The following ZZEF1 variants were observed in gnomAD, a reference collection of about 807,000 sequenced individuals.
ZZEF1 encodes zinc finger ZZ-type and EF-hand domain-containing protein 1.
A neutral mutation model predicts 342.8 loss-of-function variants in ZZEF1; 157 were observed. The ratio of observed to expected loss-of-function variants is 0.46; its 90% CI spans 0.40 to 0.52. The LOEUF (loss-of-function observed/expected upper bound fraction) is 0.52, where lower values mean the gene tolerates loss of function less well. ZZEF1 is among the 20% of genes least tolerant of loss of function. The pLI is 0.00. For synonymous variants in ZZEF1, 1,505 were observed against 1,429.1 expected, an observed-to-expected ratio of 1.05 and a Z score of -1.20; for missense variants, 3,480 against 3,725.6, an observed-to-expected ratio of 0.93 and a Z score of 1.72.
intron 45 of ZZEF1, among the ~76,000 whole-genome samples, chr17:4,020,732 T>C (rs1393314906): frequency 2.0e-5 from 3 of 152,238 alleles, no homozygotes; most frequent in African/African-American, 7.2e-5. Flanking sequence ...TTCATATTGT[T>C]CTGAGGAAGA....
chr17:4,033,157 A>C (rs2145057977), intron 40 of ZZEF1, 155 bp from the exon 41 acceptor site: 3 of 687,150 alleles, frequency 4.4e-6, no homozygotes, highest in Non-Finnish European at 6.9e-6. Flanking sequence ...TATAATGGTG[A>C]GTAAAAGAGC....
At chr17:4,012,641 C>G (rs2055993294) in intron 52 of ZZEF1, among the ~76,000 whole-genome samples, 1 of 152,196 alleles carries the variant, frequency 6.6e-6, no homozygotes, top group Admixed American at 6.5e-5. Context: ...CCCAATTCAA[C>G]ACTATATGTC....
chr17:4,109,163 C>T (rs933733769), intron 6 of ZZEF1, among the ~76,000 whole-genome samples: 3 of 152,176 alleles, frequency 2.0e-5, no homozygotes, highest in African/African-American at 4.8e-5. Flanking sequence ...TGATCCATTA[C>T]TGCAGCCTGG....
At position 4,058,012 on chromosome 17, in the gene ZZEF1, A is replaced by G. The variant is rs933964196; in HGVS notation, c.5147T>C (p.Val1716Ala). 41 of 1,614,190 alleles carry G rather than the reference A, an allele frequency of 2.5e-5. No homozygotes were observed. Among genetic ancestry groups the G allele is most frequent in the Non-Finnish European group, 3.1e-5 (37 of 1,180,016 alleles). ...LMKMSQENIS[V>A]HDSVISQWSE... The stretch of plus-strand genomic sequence containing the variant: ...CTCTTACCTGATCACACTGTCATGG[A>G]CACTTATATTCTCCTGTGACATTTT... The change falls in exon 32 of 55, where the codon GTC (valine) becomes GCC (alanine). Residue 1716 changes from valine to alanine, a missense_variant. Coordinates refer to ENST00000381638, the MANE Select transcript of ZZEF1 (RefSeq NM_015113.4).
intron 42 of ZZEF1, among the ~76,000 whole-genome samples, chr17:4,028,523 T>C (rs2056467311): frequency 6.9e-6 from 1 of 145,166 alleles, no homozygotes; most frequent in Non-Finnish European, 1.5e-5. Flanking sequence ...CACTCCAGCC[T>C]GGGTGATGGA....
chr17:4,092,208 A>G (rs1266254069), intron 11 of ZZEF1, among the ~76,000 whole-genome samples: 2 of 151,854 alleles, frequency 1.3e-5, no homozygotes, highest in Non-Finnish European at 2.9e-5. Context: ...GCGACACATT[A>G]GTATTTTATA....
In ZZEF1 at chr17:4,142,845, AC is replaced by A; in HGVS notation, c.50del (p.Gly17ValfsTer136). The A allele has an allele frequency of 7.2e-7, 1 of 1,395,586 alleles. No homozygotes were observed. Among genetic ancestry groups the A allele is most frequent in the Non-Finnish European group, 9.2e-7 (1 of 1,083,924 alleles). 86.5% of individuals were successfully genotyped at this position (1,395,586 alleles called of 1,614,324 possible). On this transcript the variant is annotated frameshift_variant, in exon 1 of 55. Transcript: ENST00000381638. LOFTEE classifies it high-confidence loss of function. Reference protein sequence around the residue: ...HSSEDEAAAAGGEGWGPHQDW... With the variant: ...HSSEDEAAAAXGEGWGPHQDW... ...CCTGGTGTGGGCCCCAGCCCTCGCC[AC>A]CGGCAGCTGCCGCTTCGTCTTCACT...
rs1398191094 is a variant in ZZEF1, at chr17:4,123,284, TATATA to T, written c.499+618_499+622del. Among the ~76,000 whole-genome samples the T allele has an allele frequency of 3.1e-3, 297 of 95,008 alleles. 4 individuals carry two copies. The highest frequency in any genetic ancestry group is 0.011 in the African/African-American group (282 of 25,354). 62.3% of individuals were successfully genotyped at this position (95,008 alleles called of 152,430 possible). A position where few individuals can be genotyped will look rare whatever the true frequency, so the allele number is the denominator to read the frequency against. On this transcript the variant is annotated intron_variant, in intron 2 of 54. Coordinates refer to ENST00000381638, the MANE Select transcript of ZZEF1 (RefSeq NM_015113.4). ...TATCATAACCATATATATATATATA[TATATA>T]TATATATATATATATATATATCAGA...
chr17:4,007,205 G>A (rs1312900489), intron 54 of ZZEF1, among the ~76,000 whole-genome samples: 4 of 152,244 alleles, frequency 2.6e-5, no homozygotes, highest in Non-Finnish European at 4.4e-5. Flanking sequence ...GTCCCAGGGC[G>A]GAGGCTCAGA....
intron 29 of ZZEF1, 49 bp from the exon 30 acceptor site, chr17:4,062,966 G>A (rs1247605961): frequency 3.2e-6 from 5 of 1,557,428 alleles, no homozygotes; most frequent in Admixed American, 1.9e-5. Flanking sequence ...CTTGAGCTGG[G>A]GCAGACGGAA....
intron 52 of ZZEF1, among the ~76,000 whole-genome samples, chr17:4,012,089 T>G (rs1369269668): frequency 6.6e-6 from 1 of 152,250 alleles, no homozygotes; most frequent in African/African-American, 2.4e-5. Flanking sequence ...CAGCAGACTG[T>G]GCAGGCTGCG....
rs758461828 is a variant in ZZEF1, at chr17:4,014,332, T to C, written c.8314+15A>G. 6.2e-7 allele frequency: 1 copy of C among 1,614,006 alleles called. No individual in the cohort carries two copies. The highest frequency in any genetic ancestry group is 8.5e-7 in the Non-Finnish European group (1 of 1,179,952). ...CCTGTGAAGAACCTATCTAATCGAG[T>C]ATTTGTTTCACTACCTGGAAGTTCA... On this transcript the variant is annotated intron_variant, in intron 50 of 54. Transcript: ENST00000381638. This position sits in a 1 kb window ranked among gnomAD's most constrained non-coding sequence, Gnocchi z 4.4.
At chr17:4,113,363 C>CA (rs1207819507) in intron 4 of ZZEF1, among the ~76,000 whole-genome samples, 3 of 152,092 alleles carry the variant, frequency 2.0e-5, no homozygotes, top group African/African-American at 7.2e-5. Flanking sequence ...CTAAAGTGAC[C>CA]AACTCAGTTA....
rs1431927288 is a variant in ZZEF1, at chr17:4,062,766, T to C, written c.4870A>G (p.Lys1624Glu). Residue 1624 changes from lysine (K) to glutamate (E), a missense_variant, in exon 30 of 55, where the codon AAA (lysine) becomes GAA (glutamate). By Grantham distance (56) the Lys-to-Glu change is moderately conservative. Coordinates refer to ENST00000381638, the MANE Select transcript of ZZEF1 (RefSeq NM_015113.4). ...CTTTGTACTTACTTGGTAAAATCTT[T>C]CTGACAGGTCAGAAGTTCCAACAGG... ...LFLLELLTCQKDFTNYFGHLE... is the reference protein window; with the variant it reads ...LFLLELLTCQEDFTNYFGHLE... The C allele has an allele frequency of 1.0e-5, 16 of 1,606,472 alleles. No homozygotes were observed. Among genetic ancestry groups the C allele is most frequent in the Non-Finnish European group, 1.4e-5 (16 of 1,176,048 alleles).
chr17:4,092,589 G>A (rs922996740), intron 11 of ZZEF1, among the ~76,000 whole-genome samples: 4 of 152,172 alleles, frequency 2.6e-5, no homozygotes, highest in African/African-American at 9.7e-5. Context: ...GATTACAGGT[G>A]TGAGCCACTG....
Position 4,099,571 on chromosome 17 carries a change from G to T in ZZEF1, c.1672+2746C>A, listed in dbSNP as rs190744182. ...TTTTTTTTTTTTTTTTTGAGACAGA[G>T]TTTTGCTCTTGTCACCCAGGTGGGA... On this transcript the variant is annotated intron_variant, in intron 9 of 54. Coordinates refer to ENST00000381638, the MANE Select transcript of ZZEF1 (RefSeq NM_015113.4). Among the ~76,000 whole-genome samples, 748 of 146,050 alleles carry T rather than the reference G, an allele frequency of 5.1e-3. 8 individuals are homozygous for T. The highest frequency in any genetic ancestry group is 0.018 in the African/African-American group (716 of 39,260).
Position 4,142,841 on chromosome 17 carries a change from CG to C in ZZEF1, c.54del (p.Glu19ArgfsTer134). On this transcript the variant is annotated frameshift_variant, in exon 1 of 55. Coordinates refer to ENST00000381638, the MANE Select transcript of ZZEF1 (RefSeq NM_015113.4). LOFTEE classifies it high-confidence loss of function. ...CAGTCCTGGTGTGGGCCCCAGCCCTCGCCACCGGCAGCTGCCGCTTCGTCTT... is the reference window on the plus strand; with the variant it reads ...CAGTCCTGGTGTGGGCCCCAGCCCTCCCACCGGCAGCTGCCGCTTCGTCTT... ...SSEDEAAAAG[G>X]EGWGPHQDWA... is the part of the protein sequence containing the mutation. The C allele has an allele frequency of 7.2e-7, 1 of 1,396,602 alleles. No individual in the cohort carries two copies. 86.5% of individuals were successfully genotyped at this position (1,396,602 alleles called of 1,614,324 possible).
rs1345857310 is a variant in ZZEF1 at position 4,087,440 on chromosome 17, T to C, written c.2336A>G (p.Lys779Arg). Residue 779 changes from lysine (K) to arginine (R), a missense_variant, in exon 14 of 55, where the codon AAG becomes AGG. Lys to Arg is a conservative substitution (Grantham distance 26, BLOSUM62 2). Transcript: ENST00000381638. ...QIFWNFYSKL[K>R]QNPREECVSA... ...ATAACAAATTCTGACCTACTTTTGC[T>C]TTAATTTACTGTAAAAATTCCAGAA... The C allele has an allele frequency of 6.2e-7, 1 of 1,609,404 alleles. No individual in the cohort carries two copies.
rs201637860 is a variant in ZZEF1 at position 4,087,495 on chromosome 17, G to C, written c.2281C>G (p.Leu761Val). ...KESGLKYKSF[L>V]DFAGLDLQIF... ...TGCAAATCAAGACCCGCGAAGTCCA[G>C]AAAAGATTTATATTTTAAGCCACTT... Residue 761 changes from leucine to valine, a missense_variant, in exon 14 of 55, where the codon CTG becomes GTG. Physicochemically the swap from Leu to Val is conservative, Grantham distance 32. Transcript: ENST00000381638. 6.2e-7 allele frequency: 1 copy of C among 1,610,874 alleles called. No individual in the cohort carries two copies. Among genetic ancestry groups the C allele is most frequent in the African/African-American group, 1.3e-5 (1 of 74,872 alleles).
Sources: allele counts gnomAD v4.1 joint callset (sites outside exome capture counted in the v4.1 genomes callset), GRCh38; gene constraint gnomAD v4.1.1; non-coding constraint Gnocchi (gnomAD v3.1); transcripts MANE v1.5; gene names NCBI Gene and HGNC (gene_info 2026-07-23, HGNC 2026-07-21).